Variants in TECTB observed in about 807,000 individuals in gnomAD.
TECTB encodes tectorin beta.
Under a neutral mutation model 43.3 loss-of-function variants are expected in TECTB, and 45 were observed. The ratio of observed to expected loss-of-function variants is 1.04; its 90% CI spans 0.82 to 1.33. The LOEUF (loss-of-function observed/expected upper bound fraction) is 1.33. Among genes scored for constraint, TECTB ranks in the 40% most tolerant of loss-of-function variants. The pLI, the probability that TECTB is intolerant of heterozygous loss-of-function variation, is 0.00. For missense variants in TECTB, 399 were observed against 404.7 expected (o/e 0.99, Z 0.12); for synonymous variants, 169 against 156.7 (o/e 1.08, Z -0.59).
intron 5 of TECTB, among the ~76,000 whole-genome samples, chr10:112,292,600 C>A (rs1171802898): frequency 6.6e-6 from 1 of 152,042 alleles, no homozygotes; most frequent in Admixed American, 6.5e-5. Flanking sequence ...CCTGCCACCA[C>A]ACCCAGCTAA....
intron 9 of TECTB, among the ~76,000 whole-genome samples, chr10:112,300,013 T>C (rs1277936828): frequency 1.3e-5 from 2 of 150,624 alleles, no homozygotes; most frequent in African/African-American, 2.4e-5. Context: ...AAATACAAAA[T>C]TACCTGGGCT....
intron 5 of TECTB, among the ~76,000 whole-genome samples, chr10:112,289,635 C>T (rs1432733766): frequency 2.0e-5 from 3 of 152,204 alleles, no homozygotes; most frequent in African/African-American, 4.8e-5. Context: ...TGTCCACCTT[C>T]TCCAAGCTAA....
In TECTB at chr10:112,304,679, A is replaced by T. The variant is rs534568186; in HGVS notation, c.*1367A>T. On this transcript the variant is annotated 3_prime_UTR_variant, in exon 11 of 11. Transcript: ENST00000646139. ...ATTCTTTTACAACTTGTGTTAGTGA[A>T]CTCAGAGATTAAACTAGTTATGAAA... 85 of 141,912 alleles carry T rather than the reference A, an allele frequency of 6.0e-4. No individual in the cohort carries two copies. The highest frequency in any genetic ancestry group is 2.6e-3 in the African/African-American group (81 of 31,674). 8.8% of individuals were successfully genotyped at this position (141,912 alleles called of 1,614,324 possible). A position where few individuals can be genotyped will look rare whatever the true frequency, so the allele number is the denominator to read the frequency against.
chr10:112,304,951 T>C lies in TECTB; in HGVS notation c.*1639T>C, dbSNP rs1314774778. On this transcript the variant is annotated 3_prime_UTR_variant, in exon 11 of 11. Transcript: ENST00000646139. ...CTGTCAGAATAAACCAATGTTGTAT[T>C]AGTTTTGCTGTATTTCATCATTGTG... 2 of 152,198 alleles carry C rather than the reference T, an allele frequency of 1.3e-5. No homozygotes were observed. Among genetic ancestry groups the C allele is most frequent in the Non-Finnish European group, 2.9e-5 (2 of 68,034 alleles). 9.4% of individuals were successfully genotyped at this position (152,198 alleles called of 1,614,324 possible). A position where few individuals can be genotyped will look rare whatever the true frequency, so the allele number is the denominator to read the frequency against.
chr10:112,303,529 C>A lies in TECTB; in HGVS notation c.*217C>A. ...AGGCTACTTCCCGTGGCCCTTAGAT[C>A]TCACAGTCCTTCTACAGCTGGGGGA... On this transcript the variant is annotated 3_prime_UTR_variant, in exon 11 of 11. Transcript: ENST00000646139. 1.7e-6 allele frequency: 1 copy of A among 585,968 alleles called. No individual in the cohort carries two copies. The highest frequency in any genetic ancestry group is 3.0e-6 in the Non-Finnish European group (1 of 330,690). The allele number at this position is 585,968 out of a possible 1,614,324, so 36.3% of individuals were successfully genotyped here. A position where few individuals can be genotyped will look rare whatever the true frequency, so the allele number is the denominator to read the frequency against.
Position 112,304,709 on chromosome 10 carries a change from C to A in TECTB, c.*1397C>A, listed in dbSNP as rs553230862. On this transcript the variant is annotated 3_prime_UTR_variant, in exon 11 of 11. Transcript: ENST00000646139. ...GAGATTAAACTAGTTATGAAATCTC[C>A]GGATACATGAAGTGTATGTTTGTTT... 6.6e-6 allele frequency: 1 copy of A among 152,272 alleles called. No individual in the cohort carries two copies. The highest frequency in any genetic ancestry group is 6.5e-5 in the Admixed American group (1 of 15,296). 9.4% of individuals were successfully genotyped at this position (152,272 alleles called of 1,614,324 possible). A position where few individuals can be genotyped will look rare whatever the true frequency, so the allele number is the denominator to read the frequency against.
chr10:112,285,513 T>C (rs747044347), intron 3 of TECTB, among the ~76,000 whole-genome samples: 1 of 152,220 alleles, frequency 6.6e-6, no homozygotes, highest in Non-Finnish European at 1.5e-5. Flanking sequence ...TCTTTGAGTA[T>C]ATCCTGGTGA....
chr10:112,292,736 G>A (rs996201285), intron 5 of TECTB, among the ~76,000 whole-genome samples: 7 of 152,100 alleles, frequency 4.6e-5, no homozygotes, highest in African/African-American at 7.2e-5. Context: ...GAGCCACAGC[G>A]CCCAGCCAGC....
chr10:112,292,549 C>T (rs1400593800), intron 5 of TECTB, among the ~76,000 whole-genome samples: 2 of 152,126 alleles, frequency 1.3e-5, no homozygotes, highest in Non-Finnish European at 2.9e-5. Context: ...ATCTTCCTGC[C>T]TCAGCCTCCA....
chr10:112,285,999 C>T, intron 3 of TECTB, 72 bp from the exon 4 acceptor site: 1 of 1,585,892 alleles, frequency 6.3e-7, no homozygotes, highest in Non-Finnish European at 8.6e-7. Context: ...CATCTTCTTG[C>T]ACTTTTCCCA....
chr10:112,283,946 C>A (rs1040574698), intron 2 of TECTB, 136 bp downstream of exon 2: 1 of 869,824 alleles, frequency 1.1e-6, no homozygotes, highest in Non-Finnish European at 1.7e-6. Flanking sequence ...TTAAGCACCC[C>A]CTCCAATACC....
At chr10:112,301,462 T>G (rs1387936354) in intron 9 of TECTB, among the ~76,000 whole-genome samples, 1 of 152,052 alleles carries the variant, frequency 6.6e-6, no homozygotes, top group Non-Finnish European at 1.5e-5. Context: ...TAAAGAAAGT[T>G]TTATTAGAAC....
intron 10 of TECTB, 129 bp downstream of exon 10, chr10:112,302,262 C>T (rs899173538): frequency 7.0e-6 from 8 of 1,145,576 alleles, no homozygotes; most frequent in South Asian, 2.9e-5. Context: ...TTAAAGCACA[C>T]CTGAGTGGCG....
intron 5 of TECTB, among the ~76,000 whole-genome samples, chr10:112,288,015 G>A (rs546040837): frequency 2.6e-5 from 4 of 152,284 alleles, no homozygotes; most frequent in East Asian, 3.9e-4. Context: ...TGGGCCACCA[G>A]GGTGATGATA....
intron 5 of TECTB, among the ~76,000 whole-genome samples, chr10:112,290,325 C>T (rs542637119): frequency 1.3e-5 from 2 of 152,246 alleles, no homozygotes; most frequent in South Asian, 2.1e-4. Flanking sequence ...AAACATATCT[C>T]CTGTGGATAA....
chr10:112,300,028 G>A (rs1317956550), intron 9 of TECTB, among the ~76,000 whole-genome samples: 3 of 151,658 alleles, frequency 2.0e-5, no homozygotes, highest in African/African-American at 7.3e-5. Flanking sequence ...TGGGCTTGGT[G>A]GGGCACGCCT....
rs776487754 is a variant in TECTB at position 112,294,015 on chromosome 10, T to A, written c.625T>A (p.Ser209Thr). The A allele has an allele frequency of 5.0e-6, 8 of 1,614,220 alleles. No homozygotes were observed. The South Asian group carries it at 5.5e-5, about 11-fold the overall frequency. The stretch of plus-strand genomic sequence containing the variant: ...CTTGAACAGCTGTTGGGCCACCCCC[T>A]CGGCTGACTTCATGTATCCCTTGCA... ...VVLNSCWATP[S>T]ADFMYPLQWQ... Residue 209 changes from serine to threonine, a missense_variant, in exon 7 of 11, where the codon TCG becomes ACG. Coordinates refer to ENST00000646139, the MANE Select transcript of TECTB (RefSeq NM_058222.3).
At position 112,284,730 on chromosome 10, in the gene TECTB, G is replaced by T; in HGVS notation, c.267+5G>T. The T allele has an allele frequency of 6.3e-7, 1 of 1,578,630 alleles. No individual in the cohort carries two copies. Among genetic ancestry groups the T allele is most frequent in the South Asian group, 1.2e-5 (1 of 85,572 alleles). ...TATTGTGGAACCCAGTCTGAGGTAA[G>T]ACCAGGCCACACAGTGCAGAGTTGT... On this transcript the variant is annotated splice_donor_5th_base_variant and intron_variant, in intron 3 of 10. Coordinates refer to ENST00000646139, the MANE Select transcript of TECTB (RefSeq NM_058222.3).
At chr10:112,292,848 G>A (rs977850027) in intron 5 of TECTB, among the ~76,000 whole-genome samples, 6 of 152,004 alleles carry the variant, frequency 3.9e-5, no homozygotes, top group African/African-American at 1.5e-4. Flanking sequence ...AGCCACACTG[G>A]CCTCCTTGCT....
Sources: gnomAD v4.1 joint callset for allele counts (sites outside exome capture counted in the v4.1 genomes callset) on GRCh38, gnomAD v4.1.1 for gene constraint, MANE v1.5 for transcripts, NCBI Gene and HGNC (gene_info 2026-07-23, HGNC 2026-07-21) for gene names.